The following RB1 variants were observed in gnomAD, a reference collection of about 807,000 sequenced individuals.
RB1 encodes retinoblastoma-associated protein.
A neutral mutation model predicts 135.4 loss-of-function variants in RB1; 18 were observed. The observed-to-expected ratio is 0.13, with a 90% CI of 0.09 to 0.20. The LOEUF is 0.20. Among genes scored for constraint, RB1 ranks in the 10% least tolerant of loss-of-function variants. The pLI is 1.00. For missense variants in RB1, 868 were observed against 1,110.0 expected (o/e 0.78, Z 3.10); for synonymous variants, 365 against 373.2 (o/e 0.98, Z 0.25).
chr13:48,368,400 A>G (rs1362307095), intron 10 of RB1, 127 bp from the exon 11 acceptor site: 15 of 1,207,766 alleles, frequency 1.2e-5, no homozygotes, highest in Non-Finnish European at 1.6e-5. Flanking sequence ...TTTCTATCCT[A>G]TCTATTATTG....
At chr13:48,416,564 C>T (rs540344437) in intron 17 of RB1, 1 of 152,642 alleles carries the variant, frequency 6.6e-6, no homozygotes, top group Admixed American at 6.5e-5. Context: ...TCCAGTGGCA[C>T]CTGAAACACC....
chr13:48,412,615 G>A (rs2233571), intron 17 of RB1: 267 of 614,210 alleles, frequency 4.3e-4, no homozygotes, highest in Admixed American at 2.4e-4. Flanking sequence ...TAAAATTTCC[G>A]CTGGGTTCTT....
At chr13:48,425,349 G>A (rs1243479331) in intron 17 of RB1, among the ~76,000 whole-genome samples, 1 of 152,182 alleles carries the variant, frequency 6.6e-6, no homozygotes, top group Non-Finnish European at 1.5e-5. Flanking sequence ...TCTCAAGGAT[G>A]CTATGTAACC....
At chr13:48,381,471 C>T (rs754339257) in intron 17 of RB1, 28 bp downstream of exon 17, 5 of 1,599,110 alleles carry the variant, frequency 3.1e-6, no homozygotes, top group Non-Finnish European at 4.3e-6. Flanking sequence ...TGAAGAAATT[C>T]ATTCATGTGC....
chr13:48,410,883 G>A (rs1238525692), intron 17 of RB1, among the ~76,000 whole-genome samples: 3 of 151,924 alleles, frequency 2.0e-5, no homozygotes, highest in Non-Finnish European at 2.9e-5. Flanking sequence ...TACGTTTTTA[G>A]TTATACATAT....
chr13:48,349,147 T>A (rs1952524490), intron 6 of RB1, 124 bp downstream of exon 6: 1 of 1,003,210 alleles, frequency 1.0e-6, no homozygotes, highest in Non-Finnish European at 1.4e-6. Flanking sequence ...CTGCTTGGCT[T>A]ATTAACTGTT....
chr13:48,423,415 T>C (rs2138251833), intron 17 of RB1, among the ~76,000 whole-genome samples: 1 of 152,240 alleles, frequency 6.6e-6, no homozygotes, highest in African/African-American at 2.4e-5. Context: ...CACCTTACAC[T>C]CTTTATGTTT....
intron 9 of RB1, among the ~76,000 whole-genome samples, chr13:48,366,512 C>T (rs927488740): frequency 1.2e-4 from 19 of 152,100 alleles, no homozygotes; most frequent in African/African-American, 1.9e-4. Flanking sequence ...ATCACTTTGG[C>T]GTTAAAAGTC....
At chr13:48,429,030 T>G (rs756758751) in intron 17 of RB1, among the ~76,000 whole-genome samples, 4 of 152,192 alleles carry the variant, frequency 2.6e-5, no homozygotes, top group Admixed American at 1.3e-4. Flanking sequence ...CCTGAATTCT[T>G]TTGCTCCCAG....
chr13:48,347,421 G>A (rs1952508114), intron 4 of RB1, among the ~76,000 whole-genome samples: 1 of 152,026 alleles, frequency 6.6e-6, no homozygotes. Flanking sequence ...TGCAGGCAGT[G>A]GAAACTCCTT....
chr13:48,365,128 A>G (rs1044933072), intron 9 of RB1, among the ~76,000 whole-genome samples, 157 bp downstream of exon 9: 4 of 152,142 alleles, frequency 2.6e-5, no homozygotes, highest in South Asian at 4.1e-4. Context: ...TAACTTTTGT[A>G]TAGTAACAAA....
At chr13:48,320,397 C>T in intron 2 of RB1, 2 of 1,158,366 alleles carry the variant, frequency 1.7e-6, no homozygotes, top group Non-Finnish European at 2.6e-6. Flanking sequence ...ACCCGGGGAA[C>T]CTAAAGCTCC....
chr13:48,380,226 A>T lies in RB1; in HGVS notation c.1483A>T (p.Met495Leu), dbSNP rs746901651. Reference sequence around the variant, plus strand: ...ATTGGCGTGCGCTCTTGAGGTTGTAATGGCCACATATAGCAGTAAGTTAAA... The same window carrying T: ...ATTGGCGTGCGCTCTTGAGGTTGTATTGGCCACATATAGCAGTAAGTTAAA... Reference protein sequence around the residue: ...SLLACALEVVMATYSRSTSQN... With the variant: ...SLLACALEVVLATYSRSTSQN... Residue 495 changes from methionine to leucine, a missense_variant, in exon 16 of 27, where the codon ATG (methionine) becomes TTG (leucine). Around this residue, in one of 3 missense-constraint regions of RB1, gnomAD observed 641 missense variants for 791.3 expected, o/e 0.81. Transcript: ENST00000267163. 5 of 1,601,244 alleles carry T rather than the reference A, an allele frequency of 3.1e-6. No homozygotes were observed. The highest frequency in any genetic ancestry group is 4.3e-6 in the Non-Finnish European group (5 of 1,170,164).
intron 12 of RB1, among the ~76,000 whole-genome samples, chr13:48,373,784 C>T (rs988979838): frequency 6.6e-6 from 1 of 151,958 alleles, no homozygotes; most frequent in African/African-American, 2.4e-5. Context: ...CAGATATATC[C>T]TTTGATAATT....
At chr13:48,418,800 C>T (rs938591419) in intron 17 of RB1, among the ~76,000 whole-genome samples, 1 of 151,684 alleles carries the variant, frequency 6.6e-6, no homozygotes, top group Non-Finnish European at 1.5e-5. Context: ...AAGGGCATTA[C>T]ATAATGGTAA....
chr13:48,318,983 C>T (rs1952210979), intron 2 of RB1: 2 of 776,336 alleles, frequency 2.6e-6, no homozygotes, highest in African/African-American at 3.4e-5. Flanking sequence ...GGACCTGTTG[C>T]TGCCTTACAT....
At chr13:48,370,571 T>C (rs537857771) in intron 11 of RB1, among the ~76,000 whole-genome samples, 1 of 152,326 alleles carries the variant, frequency 6.6e-6, no homozygotes, top group Admixed American at 6.5e-5. Flanking sequence ...TACTGGTTTA[T>C]TATAGATGAT....
intron 4 of RB1, 35 bp downstream of exon 4, chr13:48,345,234 T>G (rs1385386581): frequency 6.3e-7 from 1 of 1,592,352 alleles, no homozygotes. Flanking sequence ...TACACTCTGA[T>G]TTTTTATGTC....
chr13:48,343,846 G>T (rs1420621973), intron 3 of RB1, among the ~76,000 whole-genome samples: 2 of 151,618 alleles, frequency 1.3e-5, no homozygotes, highest in East Asian at 1.9e-4. Context: ...TTCTTTATTT[G>T]CTTTTTCACA....
Sources: allele counts gnomAD v4.1 joint callset (sites outside exome capture counted in the v4.1 genomes callset), GRCh38; gene constraint gnomAD v4.1.1; regional missense constraint gnomAD v4.1.1; transcripts MANE v1.5; gene names NCBI Gene and HGNC (gene_info 2026-07-23, HGNC 2026-07-21).